SPTAN1: variants seen among roughly 807,000 people sequenced by gnomAD.
SPTAN1 encodes spectrin alpha, non-erythrocytic 1.
Under a neutral mutation model 331.3 loss-of-function variants are expected in SPTAN1, and 61 were observed. That is an observed-to-expected ratio of 0.18 (90% CI 0.15 to 0.23). The LOEUF (loss-of-function observed/expected upper bound fraction) is 0.23. Among genes scored for constraint, SPTAN1 ranks in the 10% least tolerant of loss-of-function variants. The pLI is 1.00. For missense variants in SPTAN1, 2,043 were observed against 3,147.9 expected (o/e 0.65, Z 8.40); for synonymous variants, 1,153 against 1,173.9 (o/e 0.98, Z 0.36).
intron 40 of SPTAN1, 79 bp from the exon 41 acceptor site, chr9:128,615,553 A>C: frequency 2.0e-5 from 29 of 1,419,200 alleles, no homozygotes; most frequent in Non-Finnish European, 2.6e-5. Context: ...CATCTCAGTA[A>C]GGAATTCCTG....
chr9:128,593,333 C>T (rs958793888), intron 23 of SPTAN1: 5 of 497,804 alleles, frequency 1.0e-5, no homozygotes, highest in Non-Finnish European at 1.9e-5. Flanking sequence ...CAGCAGCAAA[C>T]CTGAAGGCCT....
rs574872602 is a variant in SPTAN1 at position 128,599,479 on chromosome 9, T to A, written c.3543+493T>A. 2.6e-4 allele frequency: 41 copies of A among 154,730 alleles called. No individual in the cohort carries two copies. The East Asian group carries it at 8.8e-3, about 33-fold the overall frequency. 9.6% of individuals were successfully genotyped at this position (154,730 alleles called of 1,614,324 possible). On this transcript the variant is annotated intron_variant, in intron 26 of 56. Coordinates refer to ENST00000372739, the MANE Select transcript of SPTAN1 (RefSeq NM_001130438.3). ...GCCATTCTCCAAAAGACAAAAAAAG[T>A]TGGTTTTTTTTTTTTTCGGTCTTTT...
intron 31 of SPTAN1, among the ~76,000 whole-genome samples, chr9:128,607,332 A>G (rs571249823): frequency 6.6e-6 from 1 of 152,286 alleles, no homozygotes; most frequent in South Asian, 2.1e-4. Flanking sequence ...TGAAGCTATC[A>G]AAGACTTAAT....
chr9:128,597,493 C>T (rs1192746785), intron 24 of SPTAN1, among the ~76,000 whole-genome samples: 1 of 152,124 alleles, frequency 6.6e-6, no homozygotes, highest in Non-Finnish European at 1.5e-5. Flanking sequence ...TACTCCACTC[C>T]AGCGTGGGTG....
intron 24 of SPTAN1, 42 bp from the exon 25 acceptor site, chr9:128,598,358 T>G (rs765351333): frequency 3.0e-5 from 45 of 1,509,024 alleles, no homozygotes; most frequent in Non-Finnish European, 3.9e-5. Flanking sequence ...TGACTTTGGC[T>G]TGCTATTTTG....
chr9:128,583,322 G>A (rs779675620), intron 15 of SPTAN1, 41 bp downstream of exon 15: 7 of 1,590,700 alleles, frequency 4.4e-6, no homozygotes, highest in Non-Finnish European at 6.0e-6. Flanking sequence ...CATGTTTGGG[G>A]AACTAAATAC....
chr9:128,574,371 G>T lies in SPTAN1; in HGVS notation c.364-304G>T, dbSNP rs7047416. Among the ~76,000 whole-genome samples the T allele has an allele frequency of 0.71, 105,170 of 147,898 alleles. 41,709 individuals are homozygous for T. Among genetic ancestry groups the T allele is most frequent in the Non-Finnish European group, 0.9 (60,445 of 67,166 alleles). On this transcript the variant is annotated intron_variant, in intron 3 of 56. Coordinates refer to ENST00000372739, the MANE Select transcript of SPTAN1 (RefSeq NM_001130438.3). ...AATATAATTATAAATGAAATATAAA[G>T]ATATTATTAATAATATAAATGATAA...
intron 17 of SPTAN1, 97 bp from the exon 18 acceptor site, chr9:128,584,624 T>A: frequency 6.2e-7 from 1 of 1,614,030 alleles, no homozygotes; most frequent in Non-Finnish European, 8.5e-7. Flanking sequence ...CGAATTTAAA[T>A]TATTGAACTG....
intron 45 of SPTAN1, 147 bp downstream of exon 45, chr9:128,621,403 C>A: frequency 1.4e-6 from 1 of 723,414 alleles, no homozygotes; most frequent in Non-Finnish European, 2.5e-6. Context: ...TCCTGTGTTT[C>A]GTGACAAGTT....
In SPTAN1 at chr9:128,627,769, T is replaced by C. The variant is rs1858990442; in HGVS notation, c.6690-156T>C. The C allele has an allele frequency of 9.9e-7, 1 of 1,012,390 alleles. No individual in the cohort carries two copies. The allele number at this position is 1,012,390 out of a possible 1,614,324, so 62.7% of individuals were successfully genotyped here. A position where few individuals can be genotyped will look rare whatever the true frequency, so the allele number is the denominator to read the frequency against. ...CAGGGCGCGTGGTCAGCCCCAGCCA[T>C]GACTTGGTGACAGACGATGCAGGGT... On this transcript the variant is annotated intron_variant, in intron 50 of 56. Transcript: ENST00000372739. This position sits in a 1 kb window ranked among gnomAD's most constrained non-coding sequence, Gnocchi z 4.9.
chr9:128,559,681 A>C (rs1310171924), intron 1 of SPTAN1, among the ~76,000 whole-genome samples: 2 of 152,188 alleles, frequency 1.3e-5, no homozygotes, highest in African/African-American at 4.8e-5. Context: ...GAAATATATA[A>C]ATAAATAAGT....
At chr9:128,553,624 G>A (rs940821567) in intron 1 of SPTAN1, among the ~76,000 whole-genome samples, 3 of 152,208 alleles carry the variant, frequency 2.0e-5, no homozygotes, top group African/African-American at 7.2e-5. Flanking sequence ...TAAGCGCCTT[G>A]TTAAAAGTTG....
In SPTAN1 at chr9:128,575,188, TC is replaced by T; in HGVS notation, c.505-8del. ...GTTGGTGACTCTGGCTCTCTTATGG[TC>T]CCTGAATAGGAAGCAATTGTTACTT... On this transcript the variant is annotated splice_polypyrimidine_tract_variant and intron_variant, in intron 4 of 56. Coordinates refer to ENST00000372739, the MANE Select transcript of SPTAN1 (RefSeq NM_001130438.3). 1 of 1,614,148 alleles carries T rather than the reference TC, an allele frequency of 6.2e-7. No homozygotes were observed. Among genetic ancestry groups the T allele is most frequent in the South Asian group, 1.1e-5 (1 of 91,082 alleles).
chr9:128,592,923 C>T (rs1853722273), intron 22 of SPTAN1, 60 bp from the exon 23 acceptor site: 6 of 1,514,696 alleles, frequency 4.0e-6, no homozygotes, highest in Non-Finnish European at 5.4e-6. Context: ...TGCTGCCTTT[C>T]ATCCCTGTGG....
Position 128,580,955 on chromosome 9 carries a change from C to T in SPTAN1, c.1357C>T (p.Leu453=), listed in dbSNP as rs200827350. The T allele has an allele frequency of 4.3e-6, 7 of 1,613,590 alleles. No individual in the cohort carries two copies. Among genetic ancestry groups the T allele is most frequent in the South Asian group, 1.1e-5 (1 of 91,068 alleles). The change falls in exon 11 of 57, where the codon CTG becomes TTG. Residue 453 remains leucine, a synonymous_variant. Coordinates refer to ENST00000372739, the MANE Select transcript of SPTAN1 (RefSeq NM_001130438.3). The stretch of plus-strand genomic sequence containing the variant: ...CCTTTCCGAGGAGAGAGCGGCGCTG[C>T]TGGAGCTGTGGGAGCTGCGCAGGCA... ...TVLSEERAAL[L]ELWELRRQQY... is the part of the protein sequence containing the mutation.
intron 28 of SPTAN1, 137 bp from the exon 29 acceptor site, chr9:128,604,189 A>T: frequency 1.1e-6 from 1 of 907,390 alleles, no homozygotes; most frequent in South Asian, 1.4e-5. Flanking sequence ...ATACTAATTT[A>T]TTCAGCGAGG....
chr9:128,559,474 G>C (rs1890101), intron 1 of SPTAN1, among the ~76,000 whole-genome samples: 1 of 152,314 alleles, frequency 6.6e-6, no homozygotes, highest in African/African-American at 2.4e-5. Flanking sequence ...ATAGGAGGCA[G>C]AACAGCACCA....
At chr9:128,586,111 GGTT>G in intron 19 of SPTAN1, 146 bp downstream of exon 19, 6 of 430,142 alleles carry the variant, frequency 1.4e-5, no homozygotes, top group South Asian at 4.7e-5. Flanking sequence ...TTTTTCACTT[GGTT>G]TTTTTTTTTT....
At chr9:128,598,354 T>C in intron 24 of SPTAN1, 46 bp from the exon 25 acceptor site, 2 of 1,468,838 alleles carry the variant, frequency 1.4e-6, no homozygotes, top group Non-Finnish European at 1.9e-6. Flanking sequence ...CCTTTGACTT[T>C]GGCTTGCTAT....
Sources: allele counts gnomAD v4.1 joint callset (sites outside exome capture counted in the v4.1 genomes callset), GRCh38; gene constraint gnomAD v4.1.1; non-coding constraint Gnocchi (gnomAD v3.1); transcripts MANE v1.5; gene names NCBI Gene and HGNC (gene_info 2026-07-23, HGNC 2026-07-21).